NBPF10: variants seen among roughly 807,000 people sequenced by gnomAD.
The protein encoded by NBPF10 is NBPF family member NBPF10.
In NBPF10, 63 loss-of-function variants were observed where a neutral mutation model predicts 77.9. The ratio of observed to expected loss-of-function variants is 0.81; its 90% CI spans 0.66 to 1.00. The LOEUF (loss-of-function observed/expected upper bound fraction) is 1.00. Ranked by LOEUF, NBPF10 falls within the 50% of genes least tolerant of loss-of-function variation. NBPF10 has a pLI of 0.00. For synonymous variants in NBPF10, 146 were observed against 264.5 expected (o/e 0.55, Z 4.35); for missense variants, 522 against 679.8 (o/e 0.77, Z 2.58).
intron 89 of NBPF10, 139 bp downstream of exon 89, chr1:146,067,041 A>C (rs1655156797): frequency 1.9e-6 from 1 of 523,456 alleles, no homozygotes; most frequent in African/African-American, 1.9e-5. Context: ...CATCTACTGC[A>C]ATGAAAACCA....
At position 146,142,760 on chromosome 1, in the gene NBPF10, A is replaced by T; in HGVS notation, c.176-8T>A. 7.4e-7 allele frequency: 1 copy of T among 1,347,714 alleles called. No individual in the cohort carries two copies. The allele number at this position is 1,347,714 out of a possible 1,614,324, so 83.5% of individuals were successfully genotyped here. A position where few individuals can be genotyped will look rare whatever the true frequency, so the allele number is the denominator to read the frequency against. ...CTTTACACTCTTCATACTCTGAAAA[A>T]AGACAGACACGCCTGCCTCAGTGGA... On this transcript the variant is annotated splice_polypyrimidine_tract_variant and splice_region_variant and intron_variant, in intron 1 of 89. Transcript: ENST00000583866.
At chr1:146,127,926 G>A (rs1366111687) in intron 12 of NBPF10, among the ~76,000 whole-genome samples, 193 bp downstream of exon 12, 1 of 148,310 alleles carries the variant, frequency 6.7e-6, no homozygotes, top group Non-Finnish European at 1.5e-5. Flanking sequence ...TAGGAAGAGA[G>A]TAAAGCTCAC....
intron 15 of NBPF10, 75 bp from the exon 16 acceptor site, chr1:146,124,935 C>T: frequency 2.2e-5 from 1 of 44,452 alleles, no homozygotes; most frequent in Admixed American, 5.8e-4. Flanking sequence ...GATTTCATGG[C>T]TAACATAAGG....
At chr1:146,127,971 C>T (rs1571198941) in intron 12 of NBPF10, 148 bp downstream of exon 12, 1 of 1,474,926 alleles carries the variant, frequency 6.8e-7, no homozygotes, top group Non-Finnish European at 9.5e-7. Flanking sequence ...AGACTTGACT[C>T]CAGAGTGACT....
intron 14 of NBPF10, among the ~76,000 whole-genome samples, 192 bp from the exon 15 acceptor site, chr1:146,125,708 G>T (rs1446003954): frequency 7.6e-6 from 1 of 131,658 alleles, no homozygotes; most frequent in Non-Finnish European, 1.6e-5. Context: ...AGAAACTGTG[G>T]GTAAAATTCC....
intron 13 of NBPF10, among the ~76,000 whole-genome samples, chr1:146,126,649 C>T (rs1253815882): frequency 7.4e-6 from 1 of 135,244 alleles, no homozygotes; most frequent in Non-Finnish European, 1.6e-5. Flanking sequence ...CGAGCTCAGT[C>T]AATTGGTCAG....
At chr1:146,081,025 A>T (rs1656262992) in intron 71 of NBPF10, among the ~76,000 whole-genome samples, 1 of 80,212 alleles carries the variant, frequency 1.2e-5, no homozygotes, top group African/African-American at 3.3e-5. Flanking sequence ...ACACACACAC[A>T]CACACAGAGA....
rs587596492 is a variant in NBPF10 at position 146,126,273 on chromosome 1, C to A, written c.1989G>T (p.Leu663Phe). The change falls in exon 14 of 90, where the codon TTG becomes TTT. Residue 663 changes from leucine to phenylalanine, a missense_variant. Leu to Phe is a conservative substitution (Grantham distance 22, BLOSUM62 0). Around this residue, in one of 9 missense-constraint regions of NBPF10, gnomAD observed 178 missense variants for 77.7 expected, o/e 2.29. Transcript: ENST00000583866. ...TAGCCAAGCCAACACGCTGTTGCTC[C>A]AATATGTAAAAGGCACTTCTGTAGG... 6.2e-6 allele frequency: 10 copies of A among 1,608,018 alleles called. 1 individual carries two copies. The highest frequency in any genetic ancestry group is 1.7e-5 in the Admixed American group (1 of 59,936).
At chr1:146,069,506 C>A (rs1251789844) in intron 86 of NBPF10, 37 bp downstream of exon 86, 1 of 816,400 alleles carries the variant, frequency 1.2e-6, no homozygotes, top group African/African-American at 2.7e-5. Context: ...CCAGAAGACT[C>A]AGTGGATCCT....
At chr1:146,126,516 C>T (rs3108136) in intron 13 of NBPF10, 108 bp from the exon 14 acceptor site, 5 of 715,302 alleles carry the variant, frequency 7.0e-6, no homozygotes, top group Admixed American at 4.1e-5. Flanking sequence ...AGAAAAAGGA[C>T]AGATCCATTA....
rs781970806 is a variant in NBPF10, at chr1:146,141,692, C to T, written c.405G>A (p.Glu135=). 1.1e-4 allele frequency: 139 copies of T among 1,253,618 alleles called. 41 individuals carry two copies. The highest frequency in any genetic ancestry group is 1.5e-4 in the Non-Finnish European group (132 of 906,678). The allele number at this position is 1,253,618 out of a possible 1,614,324, so 77.7% of individuals were successfully genotyped here. A position where few individuals can be genotyped will look rare whatever the true frequency, so the allele number is the denominator to read the frequency against. The change falls in exon 3 of 90, where the codon GAG becomes GAA. Residue 135 remains glutamate, a synonymous_variant. Coordinates refer to ENST00000583866, the Ensembl canonical transcript of NBPF10. ...GGTCCTGCCCCTGGGACTTGTCCGG[C>T]TCATCCGGAGTGAGGAGGGCCTGGA...
rs782234443 is a variant in NBPF10, at chr1:146,066,596, G to A, written c.11145-35C>T. ...GAGACAAAACTAAAGAAGCAGCCAGGGAAAATCAGACACCACAGAGCCCCA... is the reference window on the plus strand; with the variant it reads ...GAGACAAAACTAAAGAAGCAGCCAGAGAAAATCAGACACCACAGAGCCCCA... On this transcript the variant is annotated intron_variant, in intron 89 of 89. Transcript: ENST00000583866. 1.2e-3 allele frequency: 720 copies of A among 585,596 alleles called. 3 individuals are homozygous for A. The highest frequency in any genetic ancestry group is 7.5e-3 in the Middle Eastern group (17 of 2,276). 36.3% of individuals were successfully genotyped at this position (585,596 alleles called of 1,614,324 possible). A position where few individuals can be genotyped will look rare whatever the true frequency, so the allele number is the denominator to read the frequency against.
At position 146,136,360 on chromosome 1, in the gene NBPF10, C is replaced by A. The variant is rs1553794934; in HGVS notation, c.1084G>T (p.Glu362Ter). The change falls in exon 7 of 90, where the codon GAG (glutamate) becomes TAG (stop). Residue 362 changes from glutamate to a stop codon, truncating the protein, a stop_gained. Transcript: ENST00000583866. LOFTEE classifies it high-confidence loss of function. ...CCCATGGGGTCCCCTCACCTGAGCT[C>A]CTCAGCTTGCTTGAGCTGCTCTGCA... 1 of 1,568,998 alleles carries A rather than the reference C, an allele frequency of 6.4e-7. No homozygotes were observed.
chr1:146,126,626 C>G (rs1375106270), intron 13 of NBPF10, among the ~76,000 whole-genome samples: 3 of 144,020 alleles, frequency 2.1e-5, no homozygotes, highest in South Asian at 2.2e-4. Context: ...CACACACACA[C>G]ACACACACAG....
At chr1:146,125,726 G>C (rs189682722) in intron 14 of NBPF10, among the ~76,000 whole-genome samples, 1 of 133,892 alleles carries the variant, frequency 7.5e-6, no homozygotes, top group African/African-American at 3.1e-5. Flanking sequence ...TCCCTATTCT[G>C]GTAGATCGTT....
intron 56 of NBPF10, among the ~76,000 whole-genome samples, chr1:146,092,907 T>C: frequency 8.1e-6 from 1 of 124,020 alleles, no homozygotes; most frequent in African/African-American, 3.1e-5. Flanking sequence ...ATCAGAGTTG[T>C]GTGAATTTGT....
At chr1:146,074,982 TC>T in intron 79 of NBPF10, 63 bp downstream of exon 79, 1 of 159,660 alleles carries the variant, frequency 6.3e-6, no homozygotes. Context: ...CACTCTGGTT[TC>T]CCTGAATCTG....
intron 5 of NBPF10, among the ~76,000 whole-genome samples, chr1:146,139,168 C>A (rs1457211989): frequency 6.9e-6 from 1 of 144,494 alleles, no homozygotes; most frequent in African/African-American, 2.5e-5. Context: ...GGCACAATCT[C>A]GGCTCACTGC....
At chr1:146,109,311 GACACACACAC>G (rs1203658432) in intron 35 of NBPF10, among the ~76,000 whole-genome samples, 197 bp from the exon 36 acceptor site, 3 of 87,232 alleles carry the variant, frequency 3.4e-5, no homozygotes, top group African/African-American at 4.0e-5. Flanking sequence ...AAGACAGATA[GACACACACAC>G]ACACACACAC....
Sources: allele counts gnomAD v4.1 joint callset (sites outside exome capture counted in the v4.1 genomes callset), GRCh38; gene constraint gnomAD v4.1.1; regional missense constraint gnomAD v4.1.1; transcripts MANE v1.5; gene names NCBI Gene and HGNC (gene_info 2026-07-23, HGNC 2026-07-21).